Variants in DDX21 observed in about 807,000 individuals in gnomAD.
DDX21 encodes DExD-box helicase 21.
In DDX21, 18 loss-of-function variants were observed where a neutral mutation model predicts 90.0. The ratio of observed to expected loss-of-function variants is 0.20; its 90% CI spans 0.14 to 0.30. The LOEUF is 0.30. Among genes scored for constraint, DDX21 ranks in the 10% least tolerant of loss-of-function variants. DDX21 has a pLI of 1.00. For missense variants in DDX21, 673 were observed against 944.5 expected, an observed-to-expected ratio of 0.71 and a Z score of 3.77; for synonymous variants, 294 against 318.0, an observed-to-expected ratio of 0.92 and a Z score of 0.80.
chr10:68,969,184 A>G, intron 7 of DDX21, 63 bp downstream of exon 7: 2 of 1,455,512 alleles, frequency 1.4e-6, no homozygotes, highest in South Asian at 1.3e-5. Context: ...GTCTGTTAGT[A>G]TTAAGACTGG....
At position 68,972,037 on chromosome 10, in the gene DDX21, A is replaced by G; in HGVS notation, c.1533A>G (p.Gln511=). ...TCCCTGAGGTTGATTTGGTTATACAAAGCTCTCCACCAAAGGTATGTGCTT... is the reference window on the plus strand; with the variant it reads ...TCCCTGAGGTTGATTTGGTTATACAGAGCTCTCCACCAAAGGTATGTGCTT... ...LDIPEVDLVI[Q]SSPPKDVESY... Residue 511 remains glutamine (Q), a synonymous_variant, in exon 9 of 15, where the codon CAA becomes CAG. Coordinates refer to ENST00000354185, the MANE Select transcript of DDX21 (RefSeq NM_004728.4). The G allele has an allele frequency of 6.2e-7, 1 of 1,614,070 alleles. No individual in the cohort carries two copies. Among genetic ancestry groups the G allele is most frequent in the Non-Finnish European group, 8.5e-7 (1 of 1,179,980 alleles).
chr10:68,956,356 C>T lies in DDX21; in HGVS notation c.87+44C>T, dbSNP rs369038483. On this transcript the variant is annotated intron_variant, in intron 1 of 14. Coordinates refer to ENST00000354185, the MANE Select transcript of DDX21 (RefSeq NM_004728.4). ...GGGCCAGGAGGGACGCTGAATGGAG[C>T]GGAACCCCGGGGTGCGGGAGAAGTG... The T allele has an allele frequency of 7.4e-5, 119 of 1,610,462 alleles. 1 individual carries two copies. The African/African-American group carries it at 1.4e-3, about 19-fold the overall frequency.
chr10:68,957,158 A>T (rs764762989), intron 1 of DDX21, among the ~76,000 whole-genome samples: 5 of 152,114 alleles, frequency 3.3e-5, no homozygotes, highest in African/African-American at 7.2e-5. Flanking sequence ...AGGGAAGTAG[A>T]GTTTGTTTTC....
intron 1 of DDX21, among the ~76,000 whole-genome samples, chr10:68,958,104 G>T (rs1195487859): frequency 6.6e-6 from 1 of 152,208 alleles, no homozygotes; most frequent in Non-Finnish European, 1.5e-5. Context: ...GTTTCATAAA[G>T]TGTCTCTTTA....
intron 1 of DDX21, among the ~76,000 whole-genome samples, chr10:68,957,577 G>A (rs1013683856): frequency 2.0e-5 from 3 of 152,200 alleles, no homozygotes; most frequent in African/African-American, 7.2e-5. Flanking sequence ...CAAGAAGGTC[G>A]TGGTCCTGGT....
At chr10:68,982,499 G>T in intron 14 of DDX21, 44 bp from the exon 15 acceptor site, 1 of 1,557,476 alleles carries the variant, frequency 6.4e-7, no homozygotes, top group South Asian at 1.2e-5. Flanking sequence ...TTTAAAAATT[G>T]AATACTAATT....
rs1843055419 is a variant in DDX21 at position 68,973,549 on chromosome 10, T to C, written c.1553T>C (p.Val518Ala). ...TCATGTATTTTACTTCAATAGGATG[T>C]AGAGTCCTACATTCATCGATCCGGG... Reference protein sequence around the residue: ...LVIQSSPPKDVESYIHRSGRT... With the variant: ...LVIQSSPPKDAESYIHRSGRT... Residue 518 changes from valine (V) to alanine (A), a missense_variant, in exon 10 of 15, where the codon GTA (valine) becomes GCA (alanine). Physicochemically the swap from Val to Ala is moderately conservative, Grantham distance 64 (BLOSUM62 0). This residue lies in a region of DDX21 where 26 missense variants were observed against 76.9 expected (regional missense o/e 0.34). Transcript: ENST00000354185. 1.2e-6 allele frequency: 2 copies of C among 1,613,986 alleles called. No individual in the cohort carries two copies. The highest frequency in any genetic ancestry group is 1.7e-5 in the Admixed American group (1 of 60,000).
intron 6 of DDX21, among the ~76,000 whole-genome samples, chr10:68,967,526 T>G (rs1589285296): frequency 6.6e-6 from 1 of 151,818 alleles, no homozygotes; most frequent in Non-Finnish European, 1.5e-5. Flanking sequence ...GGAATGGGGC[T>G]CATTTTATCT....
chr10:68,977,467 T>C, intron 11 of DDX21, 62 bp from the exon 12 acceptor site: 1 of 1,443,290 alleles, frequency 6.9e-7, no homozygotes, highest in Admixed American at 2.3e-5. Flanking sequence ...TCTTGAGATG[T>C]CTTAGAAATG....
At chr10:68,962,276 T>C in intron 3 of DDX21, 119 bp downstream of exon 3, 1 of 689,224 alleles carries the variant, frequency 1.5e-6, no homozygotes. Context: ...TATGCAGTCA[T>C]ATAATGAAGT....
chr10:68,970,463 G>T, intron 8 of DDX21, 113 bp downstream of exon 8: 67 of 894,434 alleles, frequency 7.5e-5, no homozygotes, highest in Middle Eastern at 7.1e-4. Flanking sequence ...GTTTAGTTTA[G>T]TTTAGAAATG....
chr10:68,977,483 T>C, intron 11 of DDX21, 46 bp from the exon 12 acceptor site: 1 of 1,490,136 alleles, frequency 6.7e-7, no homozygotes, highest in Non-Finnish European at 9.0e-7. Flanking sequence ...AAATGAAATG[T>C]GTCCACTTCT....
intron 4 of DDX21, 23 bp downstream of exon 4, chr10:68,963,492 C>G: frequency 6.3e-7 from 1 of 1,585,924 alleles, no homozygotes; most frequent in South Asian, 1.2e-5. Context: ...AATACAAGGG[C>G]TCTCAGTCAG....
rs1185103623 is a variant in DDX21 at position 68,983,520 on chromosome 10, AG to A, written c.*711del. The A allele has an allele frequency of 6.6e-6, 1 of 152,164 alleles. No individual in the cohort carries two copies. Among genetic ancestry groups the A allele is most frequent in the African/African-American group, 2.4e-5 (1 of 41,438 alleles). 9.4% of individuals were successfully genotyped at this position (152,164 alleles called of 1,614,324 possible). On this transcript the variant is annotated 3_prime_UTR_variant, in exon 15 of 15. Transcript: ENST00000354185. ...TAAAAGTACATTTTAATAGAAAGCC[AG>A]GGTTTTAAGGAATTTCACATGTATA...
chr10:68,976,750 G>C (rs1352965815), intron 11 of DDX21, among the ~76,000 whole-genome samples: 1 of 152,140 alleles, frequency 6.6e-6, no homozygotes, highest in Non-Finnish European at 1.5e-5. Context: ...ACAACAAACA[G>C]CCTCCAGCGT....
chr10:68,975,012 G>T (rs544882573), intron 11 of DDX21, among the ~76,000 whole-genome samples: 1 of 152,048 alleles, frequency 6.6e-6, no homozygotes, highest in Non-Finnish European at 1.5e-5. Context: ...AAACCAGACC[G>T]TGCTGAAGTA....
intron 1 of DDX21, chr10:68,956,624 C>A: frequency 1.6e-5 from 19 of 1,201,804 alleles, no homozygotes; most frequent in Non-Finnish European, 2.0e-5. Flanking sequence ...CCCACGTGGT[C>A]CCCGGCGACT....
At chr10:68,959,199 T>C (rs1842840290) in intron 1 of DDX21, among the ~76,000 whole-genome samples, 1 of 152,102 alleles carries the variant, frequency 6.6e-6, no homozygotes. Context: ...AAATCCCTTA[T>C]GAAAATCTGG....
rs774216514 is a variant in DDX21 at position 68,968,956 on chromosome 10, T to C, written c.1091-20T>C. The C allele has an allele frequency of 6.2e-7, 1 of 1,611,566 alleles. No homozygotes were observed. The highest frequency in any genetic ancestry group is 8.5e-7 in the Non-Finnish European group (1 of 1,178,946). ...TGTTTGGATTATTCATACTGACTTT[T>C]TTTTTCCCCCTCCTCAAAGATTCTG... On this transcript the variant is annotated intron_variant, in intron 6 of 14. Transcript: ENST00000354185.
Sources: gnomAD v4.1 joint callset for allele counts (sites outside exome capture counted in the v4.1 genomes callset) on GRCh38, gnomAD v4.1.1 for gene constraint, gnomAD v4.1.1 regional missense constraint, MANE v1.5 for transcripts, NCBI Gene and HGNC (gene_info 2026-07-23, HGNC 2026-07-21) for gene names.